Variants in AKAP9 observed in about 807,000 individuals in gnomAD.
AKAP9 encodes A-kinase anchoring protein 9.
AKAP9 carries 311 observed loss-of-function variants against 488.5 expected under a neutral mutation model. The observed-to-expected ratio is 0.64, with a 90% CI of 0.58 to 0.70. AKAP9 has a LOEUF of 0.70. Among genes scored for constraint, AKAP9 ranks in the 30% least tolerant of loss-of-function variants. The pLI, the probability that AKAP9 is intolerant of heterozygous loss-of-function variation, is 0.00. For missense variants in AKAP9, 4,215 were observed against 4,374.5 expected (o/e 0.96, Z 1.03); for synonymous variants, 1,462 against 1,483.5 (o/e 0.99, Z 0.33).
Position 92,076,938 on chromosome 7 carries a change from A to C in AKAP9, c.6696A>C (p.Gln2232His), listed in dbSNP as rs147194783. ...AAGAAGTTCAACAATTACATATGCA[A>C]TTAGAAATACAGAAAAAGGAATCTA... ...KNEEVQQLHM[Q>H]LEIQKKESTT... The change falls in exon 29 of 50, where the codon CAA becomes CAC. Residue 2232 changes from glutamine (Q) to histidine (H), a missense_variant. By Grantham distance (24) the Gln-to-His change is conservative (BLOSUM62 0). Coordinates refer to ENST00000356239, the MANE Select transcript of AKAP9 (RefSeq NM_005751.5). 6.4e-7 allele frequency: 1 copy of C among 1,567,418 alleles called. No individual in the cohort carries two copies. Among genetic ancestry groups the C allele is most frequent in the African/African-American group, 1.4e-5 (1 of 73,632 alleles).
At chr7:92,012,692 T>C in intron 9 of AKAP9, 50 bp downstream of exon 9, 2 of 1,440,940 alleles carry the variant, frequency 1.4e-6, no homozygotes, top group South Asian at 1.2e-5. Flanking sequence ...AAGTATTGGA[T>C]AGAGCCCACC....
chr7:92,001,569 T>C lies in AKAP9; in HGVS notation c.1652T>C (p.Ile551Thr), dbSNP rs765160297. Reference sequence around the variant, plus strand: ...CAGATTCAGAGAGCTAGACAGACAATAGCTGAACAAGAAAGTAAACTTAAT... The same window carrying C: ...CAGATTCAGAGAGCTAGACAGACAACAGCTGAACAAGAAAGTAAACTTAAT... ...REQIQRARQT[I>T]AEQESKLNEA... The change falls in exon 8 of 50, where the codon ATA (isoleucine) becomes ACA (threonine). Residue 551 changes from isoleucine to threonine, a missense_variant. By Grantham distance (89) the Ile-to-Thr change is moderately conservative. Around this residue, in one of 5 missense-constraint regions of AKAP9, gnomAD observed 2,361 missense variants for 2,430.0 expected, o/e 0.97. Transcript: ENST00000356239. 2 of 1,613,802 alleles carry C rather than the reference T, an allele frequency of 1.2e-6. No individual in the cohort carries two copies. The highest frequency in any genetic ancestry group is 1.7e-6 in the Non-Finnish European group (2 of 1,179,794).
In AKAP9 at chr7:92,093,265, A is replaced by G; in HGVS notation, c.9527A>G (p.Glu3176Gly). The G allele has an allele frequency of 6.2e-7, 1 of 1,614,130 alleles. No homozygotes were observed. Among genetic ancestry groups the G allele is most frequent in the Non-Finnish European group, 8.5e-7 (1 of 1,180,026 alleles). ...CTTGCACAAACTAAATTGGAACTAG[A>G]AACAACACTCAAGGCACAGCATAAA... ...SELAQTKLEL[E>G]TTLKAQHKHL... The change falls in exon 39 of 50, where the codon GAA becomes GGA. Residue 3176 changes from glutamate to glycine, a missense_variant. By Grantham distance (98) the Glu-to-Gly change is moderately conservative (BLOSUM62 -2). Transcript: ENST00000356239.
At chr7:92,054,844 G>C (rs944659413) in intron 22 of AKAP9, among the ~76,000 whole-genome samples, 2 of 151,912 alleles carry the variant, frequency 1.3e-5, no homozygotes, top group Non-Finnish European at 2.9e-5. Context: ...GTATGAAAAA[G>C]AATGCTTAAG....
At position 92,002,738 on chromosome 7, in the gene AKAP9, C is replaced by T; in HGVS notation, c.2821C>T (p.Leu941Phe). ...GGTTGTTGAAAAGGATACAACAGAA[C>T]TCATGGAAAAACTTGAGGTAACCAA... The part of the protein sequence containing the change: ...GEVVEKDTTE[L>F]MEKLEVTKRE... The change falls in exon 8 of 50, where the codon CTC becomes TTC. Residue 941 changes from leucine (L) to phenylalanine (F), a missense_variant. Leu to Phe is a conservative substitution (Grantham distance 22, BLOSUM62 0). Coordinates refer to ENST00000356239, the MANE Select transcript of AKAP9 (RefSeq NM_005751.5). 1 of 1,613,600 alleles carries T rather than the reference C, an allele frequency of 6.2e-7. No homozygotes were observed. Among genetic ancestry groups the T allele is most frequent in the South Asian group, 1.1e-5 (1 of 91,048 alleles).
In AKAP9 at chr7:92,042,762, C is replaced by A. The variant is rs1584285416; in HGVS notation, c.5153C>A (p.Ser1718Tyr). 1 of 1,604,460 alleles carries A rather than the reference C, an allele frequency of 6.2e-7. No homozygotes were observed. Among genetic ancestry groups the A allele is most frequent in the South Asian group, 1.1e-5 (1 of 90,844 alleles). ...GAAGATGTGCCTCCTGAGATTTTGTCTAATGAAAGGTATACAAAATGTGTA... is the reference window on the plus strand; with the variant it reads ...GAAGATGTGCCTCCTGAGATTTTGTATAATGAAAGGTATACAAAATGTGTA... Reference protein sequence around the residue: ...KPEDVPPEILSNERYALQKAN... With the variant: ...KPEDVPPEILYNERYALQKAN... The change falls in exon 20 of 50, where the codon TCT becomes TAT. Residue 1718 changes from serine (S) to tyrosine (Y), a missense_variant. Physicochemically the swap from Ser to Tyr is moderately radical, Grantham distance 144. Transcript: ENST00000356239.
intron 3 of AKAP9, among the ~76,000 whole-genome samples, chr7:91,984,389 C>T (rs533864142): frequency 1.3e-5 from 2 of 152,306 alleles, no homozygotes; most frequent in South Asian, 4.2e-4. Flanking sequence ...AATAGGGAAT[C>T]CTTTCGCCAT....
rs34953651 is a variant in AKAP9, at chr7:91,973,950, G to T, written c.288G>T (p.Glu96Asp). 278 of 1,613,966 alleles carry T rather than the reference G, an allele frequency of 1.7e-4. 1 individual carries two copies. The African/African-American group carries it at 3.4e-3, about 20-fold the overall frequency. The part of the protein sequence containing the change: ...TLHSGEITSH[E>D]QGFSVELESE... ...ATAGTGGAGAAATAACCAGTCATGA[G>T]CAGGGCTTCTCTGTGGAAGTAAGTA... Residue 96 changes from glutamate to aspartate, a missense_variant, in exon 2 of 50, where the codon GAG becomes GAT. Glu to Asp is a conservative substitution (Grantham distance 45). This residue lies in a region of AKAP9 where 2,361 missense variants were observed against 2,430.0 expected (regional missense o/e 0.97). Transcript: ENST00000356239.
intron 26 of AKAP9, 60 bp from the exon 27 acceptor site, chr7:92,069,970 T>C (rs1332879529): frequency 2.7e-6 from 4 of 1,468,110 alleles, no homozygotes; most frequent in South Asian, 1.2e-5. Flanking sequence ...TAACTCAACC[T>C]ATACTAACTA....
At chr7:92,063,758 A>G (rs984510002) in intron 24 of AKAP9, among the ~76,000 whole-genome samples, 6 of 152,064 alleles carry the variant, frequency 3.9e-5, no homozygotes, top group Non-Finnish European at 4.4e-5. Flanking sequence ...GCTTAAAACC[A>G]TTTTGATTTT....
chr7:91,943,707 A>G (rs995456282), intron 1 of AKAP9, among the ~76,000 whole-genome samples: 1 of 152,224 alleles, frequency 6.6e-6, no homozygotes, highest in Admixed American at 6.5e-5. Flanking sequence ...ATTCATACAT[A>G]TTTGCTTAAT....
chr7:92,063,417 A>G (rs1810222766), intron 24 of AKAP9: 22 of 953,578 alleles, frequency 2.3e-5, no homozygotes, highest in Non-Finnish European at 2.7e-5. Context: ...CATATAAATT[A>G]TACTTTTGTT....
Position 92,083,635 on chromosome 7 carries a change from C to A in AKAP9, c.8626C>A (p.Gln2876Lys), listed in dbSNP as rs1196999529. ...ATGTGGTACCTTGAAGGCAGTGATA[C>A]AGTGTCTGAGAAGTAAAGAGGTATT... The part of the protein sequence containing the change: ...EECGTLKAVI[Q>K]CLRSKEGSSI... Residue 2876 changes from glutamine (Q) to lysine (K), a missense_variant, in exon 33 of 50, where the codon CAG (glutamine) becomes AAG (lysine). By Grantham distance (53) the Gln-to-Lys change is moderately conservative (BLOSUM62 1). Coordinates refer to ENST00000356239, the MANE Select transcript of AKAP9 (RefSeq NM_005751.5). 1.2e-6 allele frequency: 2 copies of A among 1,611,148 alleles called. No individual in the cohort carries two copies. The highest frequency in any genetic ancestry group is 8.5e-7 in the Non-Finnish European group (1 of 1,179,304).
At chr7:92,096,619 G>C in intron 40 of AKAP9, 70 bp from the exon 41 acceptor site, 1 of 1,588,438 alleles carries the variant, frequency 6.3e-7, no homozygotes, top group Non-Finnish European at 8.6e-7. Context: ...TTACAGGCGT[G>C]AGCCACCACG....
chr7:92,016,007 GTTTTC>G, intron 10 of AKAP9, 117 bp from the exon 11 acceptor site: 1 of 737,896 alleles, frequency 1.4e-6, no homozygotes, highest in Non-Finnish European at 2.3e-6. Flanking sequence ...TGGAGAGAAT[GTTTTC>G]TTAATTATTT....
intron 35 of AKAP9, among the ~76,000 whole-genome samples, 183 bp downstream of exon 35, chr7:92,085,123 A>G (rs545517537): frequency 1.3e-5 from 2 of 152,308 alleles, no homozygotes; most frequent in South Asian, 4.1e-4. Flanking sequence ...ATTAATGATA[A>G]TATGTATGAA....
intron 21 of AKAP9, among the ~76,000 whole-genome samples, chr7:92,047,608 A>G (rs1036627516): frequency 3.3e-5 from 5 of 152,358 alleles, no homozygotes; most frequent in Admixed American, 6.5e-5. Context: ...ACAGCAATTC[A>G]TAGTCTAATG....
chr7:92,087,704 G>C (rs1338148834), intron 37 of AKAP9, among the ~76,000 whole-genome samples: 1 of 151,790 alleles, frequency 6.6e-6, no homozygotes, highest in Non-Finnish European at 1.5e-5. Context: ...TTGTTTTGCT[G>C]GCAAGTAAGG....
At chr7:91,989,881 A>C (rs1256945546) in intron 3 of AKAP9, among the ~76,000 whole-genome samples, 1 of 152,044 alleles carries the variant, frequency 6.6e-6, no homozygotes, top group African/African-American at 2.4e-5. Flanking sequence ...TATTTCATCA[A>C]CCTAATGTTC....
Sources: allele counts gnomAD v4.1 joint callset (sites outside exome capture counted in the v4.1 genomes callset), GRCh38; gene constraint gnomAD v4.1.1; regional missense constraint gnomAD v4.1.1; transcripts MANE v1.5; gene names NCBI Gene and HGNC (gene_info 2026-07-23, HGNC 2026-07-21).